Variants in POLN observed in about 807,000 individuals in gnomAD.
The protein encoded by POLN is DNA polymerase nu, also known as DNA polymerase N.
In POLN, 108 loss-of-function variants were observed where a neutral mutation model predicts 113.5. The ratio of observed to expected loss-of-function variants is 0.95; its 90% CI spans 0.81 to 1.12. The LOEUF (loss-of-function observed/expected upper bound fraction) is 1.12, where lower values mean the gene tolerates loss of function less well. Ranked by LOEUF, POLN falls within the 50% of genes most tolerant of loss-of-function variation. The probability of loss-of-function intolerance (pLI) is 0.00; values close to 1 mark genes in which losing one functional copy is unlikely to be tolerated. For missense variants in POLN, 1,097 were observed against 1,077.1 expected (o/e 1.02, Z -0.26); for synonymous variants, 386 against 391.5 (o/e 0.99, Z 0.17).
At chr4:2,170,797 T>C (rs1428110955) in intron 12 of POLN, 23 bp from the exon 13 acceptor site, 1 of 1,592,042 alleles carries the variant, frequency 6.3e-7, no homozygotes, top group Non-Finnish European at 8.6e-7. Context: ...AAATTAAACA[T>C]GGTGAGGGAA....
intron 20 of POLN, among the ~76,000 whole-genome samples, chr4:2,091,351 C>T (rs1052977986): frequency 2.0e-5 from 3 of 152,236 alleles, no homozygotes; most frequent in African/African-American, 7.2e-5. Context: ...ATAAAGAAAG[C>T]CCATCCACAA....
intron 20 of POLN, among the ~76,000 whole-genome samples, chr4:2,090,988 T>C (rs534868654): frequency 6.6e-6 from 1 of 152,322 alleles, no homozygotes; most frequent in South Asian, 2.1e-4. Context: ...AGTAGGATTG[T>C]ATGTTCTAGC....
intron 13 of POLN, among the ~76,000 whole-genome samples, chr4:2,162,246 A>G (rs1386955874): frequency 2.6e-5 from 4 of 152,140 alleles, no homozygotes; most frequent in African/African-American, 9.6e-5. Context: ...TCACTCCTGA[A>G]GCCAGCAAGA....
intron 23 of POLN, chr4:2,078,479 T>A (rs1440514628): frequency 1.3e-6 from 1 of 745,374 alleles, no homozygotes; most frequent in Admixed American, 6.3e-5. Context: ...TCTTCTTTTT[T>A]TTTTTTTTTG....
chr4:2,232,023 G>A, intron 2 of POLN: 1 of 1,506,466 alleles, frequency 6.6e-7, no homozygotes, highest in Non-Finnish European at 9.2e-7. Flanking sequence ...AATATACATA[G>A]AATTCTCTTT....
intron 7 of POLN, among the ~76,000 whole-genome samples, chr4:2,191,617 C>G (rs961084808): frequency 1.3e-5 from 2 of 151,574 alleles, no homozygotes; most frequent in African/African-American, 2.4e-5. Flanking sequence ...ATATGTATAT[C>G]TATTATGATT....
At chr4:2,152,535 T>C (rs1308282670) in intron 16 of POLN, among the ~76,000 whole-genome samples, 1 of 151,662 alleles carries the variant, frequency 6.6e-6, no homozygotes, top group Non-Finnish European at 1.5e-5. Context: ...CTTGCTATGC[T>C]GCCCAGGCTA....
chr4:2,215,529 G>A (rs1734093035), intron 3 of POLN, among the ~76,000 whole-genome samples: 1 of 152,168 alleles, frequency 6.6e-6, no homozygotes, highest in Admixed American at 6.5e-5. Flanking sequence ...AAGACAGCTG[G>A]GCTTTTATAC....
At chr4:2,233,724 AG>A (rs1448485846) in intron 2 of POLN, among the ~76,000 whole-genome samples, 1 of 152,230 alleles carries the variant, frequency 6.6e-6, no homozygotes, top group African/African-American at 2.4e-5. Context: ...ACATCTAAAA[AG>A]ATCTTTTCTA....
At chr4:2,075,276 A>G (rs372724341) in intron 24 of POLN, among the ~76,000 whole-genome samples, 176 bp downstream of exon 24, 22 of 152,326 alleles carry the variant, frequency 1.4e-4, no homozygotes, top group East Asian at 5.8e-4. Flanking sequence ...AGGGTCCCCA[A>G]ACCCAGGCTG....
rs750022513 is a variant in POLN at position 2,236,500 on chromosome 4, A to G, written c.-13+5020T>C. 1.3e-5 allele frequency: 18 copies of G among 1,371,336 alleles called. No individual in the cohort carries two copies. The Admixed American group carries it at 3.1e-4, about 24-fold the overall frequency. The allele number at this position is 1,371,336 out of a possible 1,614,324, so 84.9% of individuals were successfully genotyped here. ...AATTATAGGGAAAAATTATCAAGTC[A>G]GTATCATTTTCAAAATTACAATCCA... On this transcript the variant is annotated intron_variant, in intron 2 of 25. Coordinates refer to ENST00000511885, the MANE Select transcript of POLN (RefSeq NM_181808.4).
At position 2,241,550 on chromosome 4, in the gene POLN, CCA is replaced by C. The variant is rs1333817467; in HGVS notation, c.-45_-44del. The C allele has an allele frequency of 1.0e-6, 1 of 985,870 alleles. No homozygotes were observed. Among genetic ancestry groups the C allele is most frequent in the Non-Finnish European group, 1.2e-6 (1 of 830,366 alleles). The allele number at this position is 985,870 out of a possible 1,614,324, so 61.1% of individuals were successfully genotyped here. On this transcript the variant is annotated 5_prime_UTR_variant, in exon 2 of 26. Coordinates refer to ENST00000511885, the MANE Select transcript of POLN (RefSeq NM_181808.4). ...CGTCTCGCCGGGCAAGGCTCCACCT[CCA>C]GAGTCCACCACCGCGACGCGGAGAA... is the stretch of plus-strand genomic sequence containing the variant.
intron 5 of POLN, among the ~76,000 whole-genome samples, chr4:2,206,308 T>C (rs1030936939): frequency 1.3e-5 from 2 of 152,272 alleles, no homozygotes; most frequent in South Asian, 2.1e-4. Flanking sequence ...GAAGATAACA[T>C]GGGAAAAACC....
intron 11 of POLN, 131 bp downstream of exon 11, chr4:2,173,824 A>G (rs1055814437): frequency 6.9e-6 from 6 of 870,220 alleles, no homozygotes; most frequent in Admixed American, 2.0e-5. Context: ...CGTCAGAAAG[A>G]GGGAGAAACA....
chr4:2,181,999 CAAAA>C (rs546309359), intron 7 of POLN, among the ~76,000 whole-genome samples: 1 of 98,876 alleles, frequency 1.0e-5, no homozygotes, highest in Non-Finnish European at 2.4e-5. Flanking sequence ...GACTCCGTCT[CAAAA>C]AAAAAAAAAA....
intron 23 of POLN, chr4:2,079,373 C>T (rs942011391): frequency 1.1e-5 from 10 of 932,302 alleles, no homozygotes; most frequent in South Asian, 9.9e-5. Flanking sequence ...TGGAAGTGAG[C>T]GGGATGCATG....
chr4:2,178,588 G>A (rs894762526), intron 8 of POLN, among the ~76,000 whole-genome samples: 1 of 151,928 alleles, frequency 6.6e-6, no homozygotes, highest in Non-Finnish European at 1.5e-5. Flanking sequence ...TCTAGCAGGC[G>A]AAGGCCTGGA....
chr4:2,088,853 G>T, intron 20 of POLN: 1 of 1,473,704 alleles, frequency 6.8e-7, no homozygotes, highest in South Asian at 1.3e-5. Context: ...ATAAAGAAAA[G>T]TCTTACAGAG....
chr4:2,227,035 C>A (rs1201415106), intron 3 of POLN, among the ~76,000 whole-genome samples: 1 of 152,186 alleles, frequency 6.6e-6, no homozygotes, highest in Non-Finnish European at 1.5e-5. Context: ...ATGATCCCTG[C>A]CTCTTGGTAT....
Sources: allele counts gnomAD v4.1 joint callset (sites outside exome capture counted in the v4.1 genomes callset), GRCh38; gene constraint gnomAD v4.1.1; transcripts MANE v1.5; gene names NCBI Gene and HGNC (gene_info 2026-07-23, HGNC 2026-07-21).